Variants in PCDHA6 observed in about 807,000 individuals in gnomAD.
The protein encoded by PCDHA6 is protocadherin alpha 6, also known as protocadherin alpha-6.
A neutral mutation model predicts 60.3 loss-of-function variants in PCDHA6; 55 were observed. The observed-to-expected ratio is 0.91, with a 90% CI of 0.73 to 1.14. The LOEUF is 1.14. Among genes scored for constraint, PCDHA6 ranks in the 50% most tolerant of loss-of-function variants. PCDHA6 has a pLI of 0.00. For synonymous variants in PCDHA6, 652 were observed against 557.9 expected, an observed-to-expected ratio of 1.17 and a Z score of -2.38; for missense variants, 1,327 against 1,256.5, an observed-to-expected ratio of 1.06 and a Z score of -0.85.
At chr5:140,877,095 C>T in intron 1 of PCDHA6, 1 of 1,613,330 alleles carries the variant, frequency 6.2e-7, no homozygotes, top group Non-Finnish European at 8.5e-7. Context: ...GCGACGCCGG[C>T]GTGCCGCCTC....
intron 1 of PCDHA6, chr5:140,871,109 T>C: frequency 1.9e-6 from 3 of 1,613,236 alleles, no homozygotes; most frequent in Non-Finnish European, 2.5e-6. Context: ...GTGTCGTTGG[T>C]GGAGAGCGGA....
At chr5:140,834,097 A>C (rs905857703) in intron 1 of PCDHA6, among the ~76,000 whole-genome samples, 1 of 152,208 alleles carries the variant, frequency 6.6e-6, no homozygotes, top group Non-Finnish European at 1.5e-5. Flanking sequence ...AACAATGAAG[A>C]AAAAAATTCA....
chr5:140,830,405 T>A lies in PCDHA6; in HGVS notation c.2314T>A (p.Phe772Ile). 1 of 1,614,172 alleles carries A rather than the reference T, an allele frequency of 6.2e-7. No homozygotes were observed. Among genetic ancestry groups the A allele is most frequent in the Non-Finnish European group, 8.5e-7 (1 of 1,179,994 alleles). Residue 772 changes from phenylalanine (F) to isoleucine (I), a missense_variant, in exon 1 of 4, where the codon TTT becomes ATT. Coordinates refer to ENST00000529310, the MANE Select transcript of PCDHA6 (RefSeq NM_018909.4). ...EGPPKMDLMAFSPSLSPCPIM... is the reference protein window; with the variant it reads ...EGPPKMDLMAISPSLSPCPIM... ...CCCACCCAAGATGGATCTCATGGCC[T>A]TTAGCCCCAGCCTTTCACCTTGTCC...
chr5:140,898,206 T>G (rs1554187858), intron 1 of PCDHA6, among the ~76,000 whole-genome samples: 2 of 152,214 alleles, frequency 1.3e-5, no homozygotes. Context: ...AGATCCCATT[T>G]GTCAATTTTG....
At chr5:140,946,611 A>ATATATATATATATATATATATATAT (rs2093972523) in intron 1 of PCDHA6, among the ~76,000 whole-genome samples, 1 of 86,812 alleles carries the variant, frequency 1.2e-5, no homozygotes, top group African/African-American at 6.4e-5. Context: ...GAAAATGTGA[A>ATATATATATATATATATATATATAT]ATATATATAT....
At chr5:140,967,712 G>A in intron 1 of PCDHA6, 2 of 1,614,196 alleles carry the variant, frequency 1.2e-6, no homozygotes, top group Non-Finnish European at 1.7e-6. Flanking sequence ...CAGTACCGGG[G>A]AAGTGCGAGT....
At chr5:140,844,643 T>C (rs1405874201) in intron 1 of PCDHA6, among the ~76,000 whole-genome samples, 1 of 149,602 alleles carries the variant, frequency 6.7e-6, no homozygotes, top group Non-Finnish European at 1.5e-5. Context: ...CATGATAATT[T>C]CATTCTTGCA....
chr5:140,881,458 G>C (rs2058720447), intron 1 of PCDHA6: 1 of 671,966 alleles, frequency 1.5e-6, no homozygotes, highest in Non-Finnish European at 1.8e-6. Context: ...CAAAACCTTA[G>C]AGCATTGTTG....
chr5:140,990,838 A>C (rs2097419271), intron 3 of PCDHA6, among the ~76,000 whole-genome samples: 1 of 152,222 alleles, frequency 6.6e-6, no homozygotes, highest in Admixed American at 6.5e-5. Flanking sequence ...CCTATTAGCA[A>C]AAATAGAGCC....
Position 141,010,368 on chromosome 5 carries a change from C to G in PCDHA6, c.*431C>G, listed in dbSNP as rs368481822. 3,124 of 1,471,046 alleles carry G rather than the reference C, an allele frequency of 2.1e-3. 5 individuals are homozygous for G. Among genetic ancestry groups the G allele is most frequent in the Middle Eastern group, 8.7e-3 (36 of 4,144 alleles). The allele number at this position is 1,471,046 out of a possible 1,614,324, so 91.1% of individuals were successfully genotyped here. A position where few individuals can be genotyped will look rare whatever the true frequency, so the allele number is the denominator to read the frequency against. On this transcript the variant is annotated 3_prime_UTR_variant, in exon 4 of 4. Coordinates refer to ENST00000529310, the MANE Select transcript of PCDHA6 (RefSeq NM_018909.4). ...GGTATGTGTGGCTACCGCGGGTATG[C>G]GAGTGCCAGATATTGGCTGAGACGA...
chr5:140,954,523 G>A (rs1368260807), intron 1 of PCDHA6, among the ~76,000 whole-genome samples: 4 of 152,186 alleles, frequency 2.6e-5, no homozygotes, highest in African/African-American at 9.6e-5. Flanking sequence ...AATGATCAGT[G>A]ATGTTGAGGT....
At position 140,877,889 on chromosome 5, in the gene PCDHA6, G is replaced by A. The variant is rs904032241; in HGVS notation, c.2394+47404G>A. On this transcript the variant is annotated intron_variant, in intron 1 of 3. Coordinates refer to ENST00000529310, the MANE Select transcript of PCDHA6 (RefSeq NM_018909.4). ...ATATTTGTTTCCTTGAAGAACTTCC[G>A]TTTAGGTTATAACTACATTCTCTCA... 3.3e-5 allele frequency: 48 copies of A among 1,457,998 alleles called. No homozygotes were observed. The African/African-American group carries it at 6.0e-4, about 18-fold the overall frequency. 90.3% of individuals were successfully genotyped at this position (1,457,998 alleles called of 1,614,324 possible). A position where few individuals can be genotyped will look rare whatever the true frequency, so the allele number is the denominator to read the frequency against.
intron 1 of PCDHA6, chr5:140,851,667 T>C (rs628871): frequency 0.26 from 235,964 of 911,074 alleles, 43,172 homozygotes; most frequent in South Asian, 0.31. Context: ...TCCTTTTAAT[T>C]GAAATTTTCT....
chr5:140,893,781 G>C (rs113070458), intron 1 of PCDHA6, among the ~76,000 whole-genome samples: 1 of 151,996 alleles, frequency 6.6e-6, no homozygotes, highest in Non-Finnish European at 1.5e-5. Context: ...TTCTTTTACC[G>C]TTTTTAGAAT....
At chr5:140,857,717 G>C (rs782771327) in intron 1 of PCDHA6, 1 of 1,597,518 alleles carries the variant, frequency 6.3e-7, no homozygotes, top group African/African-American at 1.3e-5. Flanking sequence ...CGTGCTGGAC[G>C]AGAACGACAA....
chr5:140,836,495 C>A (rs1318424263), intron 1 of PCDHA6: 4 of 1,613,766 alleles, frequency 2.5e-6, no homozygotes, highest in South Asian at 2.2e-5. Context: ...TCATCGCCAT[C>A]TGCGCGGTGT....
intron 1 of PCDHA6, chr5:140,868,770 T>C (rs936187064): frequency 1.9e-5 from 5 of 257,030 alleles, no homozygotes; most frequent in Non-Finnish European, 3.7e-5. Flanking sequence ...TTAGTTTCAA[T>C]ATGACTTATA....
intron 1 of PCDHA6, among the ~76,000 whole-genome samples, chr5:140,897,136 A>G (rs1206983852): frequency 6.6e-6 from 1 of 152,096 alleles, no homozygotes; most frequent in Admixed American, 6.5e-5. Context: ...TAAACTTTCT[A>G]GCCTTTGTTA....
intron 1 of PCDHA6, among the ~76,000 whole-genome samples, chr5:140,977,305 AC>A (rs1424604910): frequency 6.6e-6 from 1 of 152,258 alleles, no homozygotes; most frequent in African/African-American, 2.4e-5. Flanking sequence ...TGACAAGCTA[AC>A]GATAGTGCTC....
Sources: gnomAD v4.1 joint callset for allele counts (sites outside exome capture counted in the v4.1 genomes callset) on GRCh38, gnomAD v4.1.1 for gene constraint, MANE v1.5 for transcripts, NCBI Gene and HGNC (gene_info 2026-07-23, HGNC 2026-07-21) for gene names.